The following ARHGEF38 variants were observed in gnomAD, a reference collection of about 807,000 sequenced individuals.
The protein encoded by ARHGEF38 is Rho guanine nucleotide exchange factor (GEF) 38.
Under a neutral mutation model 79.9 loss-of-function variants are expected in ARHGEF38, and 79 were observed. The ratio of observed to expected loss-of-function variants is 0.99; its 90% CI spans 0.82 to 1.19. The LOEUF is 1.19. Ranked by LOEUF, ARHGEF38 falls within the 50% of genes most tolerant of loss-of-function variation. The pLI, the probability that ARHGEF38 is intolerant of heterozygous loss-of-function variation, is 0.00. For synonymous variants in ARHGEF38, 366 were observed against 328.3 expected (o/e 1.11, Z -1.24); for missense variants, 962 against 907.2 (o/e 1.06, Z -0.78).
intron 3 of ARHGEF38, among the ~76,000 whole-genome samples, chr4:105,622,683 C>CA (rs1308649533): frequency 6.6e-6 from 1 of 152,210 alleles, no homozygotes; most frequent in Non-Finnish European, 1.5e-5. Context: ...CTCTTCCCTT[C>CA]ACAATGCTCA....
intron 1 of ARHGEF38, among the ~76,000 whole-genome samples, chr4:105,566,529 A>T (rs951347754): frequency 2.0e-5 from 3 of 152,206 alleles, no homozygotes; most frequent in African/African-American, 7.2e-5. Context: ...ATAGAGTATC[A>T]ATCACCTCAA....
At chr4:105,568,952 A>G (rs1366309538) in intron 1 of ARHGEF38, among the ~76,000 whole-genome samples, 1 of 152,228 alleles carries the variant, frequency 6.6e-6, no homozygotes, top group African/African-American at 2.4e-5. Context: ...ATATGAAATT[A>G]TTCACTACAA....
chr4:105,601,769 A>C (rs1035069562), intron 2 of ARHGEF38, among the ~76,000 whole-genome samples: 5 of 152,118 alleles, frequency 3.3e-5, no homozygotes, highest in African/African-American at 1.2e-4. Flanking sequence ...GGCCCTTCAC[A>C]TGTCCAAGAA....
At chr4:105,589,472 A>T (rs10018352) in intron 2 of ARHGEF38, 37 bp downstream of exon 2, 4 of 1,556,236 alleles carry the variant, frequency 2.6e-6, no homozygotes, top group South Asian at 2.4e-5. Context: ...TCTCTCCCAT[A>T]TCATAAATAG....
At chr4:105,606,460 G>T (rs2110482516) in intron 2 of ARHGEF38, among the ~76,000 whole-genome samples, 1 of 152,154 alleles carries the variant, frequency 6.6e-6, no homozygotes, top group South Asian at 2.1e-4. Context: ...GGTCAGAACA[G>T]CAATATCCAA....
intron 1 of ARHGEF38, among the ~76,000 whole-genome samples, chr4:105,554,321 C>T (rs755616404): frequency 3.3e-5 from 5 of 152,118 alleles, no homozygotes; most frequent in Non-Finnish European, 5.9e-5. Context: ...GAGCATAGTA[C>T]CCAGTAGGTG....
chr4:105,682,485 C>T, downstream of ARHGEF38: 1 of 383,520 alleles, frequency 2.6e-6, no homozygotes, highest in Non-Finnish European at 4.7e-6. Flanking sequence ...CTGAAGATCT[C>T]ATTGAGAACC....
intron 2 of ARHGEF38, among the ~76,000 whole-genome samples, chr4:105,611,866 C>A (rs777907141): frequency 6.6e-6 from 1 of 151,990 alleles, no homozygotes. Context: ...TTGAAATAAA[C>A]CACTGCATAT....
intron 1 of ARHGEF38, among the ~76,000 whole-genome samples, chr4:105,578,387 T>C (rs188712318): frequency 2.6e-5 from 4 of 152,332 alleles, no homozygotes; most frequent in Non-Finnish European, 5.9e-5. Context: ...ATGAGAAGAA[T>C]GTATATTCTG....
chr4:105,633,543 G>A (rs1339511701), intron 4 of ARHGEF38, among the ~76,000 whole-genome samples: 1 of 152,136 alleles, frequency 6.6e-6, no homozygotes, highest in Non-Finnish European at 1.5e-5. Flanking sequence ...ATGAATACTA[G>A]GTGTGGCCTC....
chr4:105,665,225 T>A (rs2110573962), intron 10 of ARHGEF38, among the ~76,000 whole-genome samples: 1 of 152,144 alleles, frequency 6.6e-6, no homozygotes, highest in Admixed American at 6.5e-5. Context: ...CCAGGTGCGG[T>A]CACTTATGCC....
At position 105,632,178 on chromosome 4, in the gene ARHGEF38, T is replaced by A. The variant is rs538656949; in HGVS notation, c.656+1133T>A. Among the ~76,000 whole-genome samples, 19 of 152,292 alleles carry A rather than the reference T, an allele frequency of 1.2e-4. No individual in the cohort carries two copies. The East Asian group carries it at 2.3e-3, about 19-fold the overall frequency. On this transcript the variant is annotated intron_variant, in intron 4 of 13. Coordinates refer to ENST00000420470, the MANE Select transcript of ARHGEF38 (RefSeq NM_001242729.2). ...AAATGAGCCCAGTGAATTTTTTTTT[T>A]AAATAAATAAAATTTCAACTTTATT...
intron 1 of ARHGEF38, among the ~76,000 whole-genome samples, chr4:105,573,769 G>T (rs566362569): frequency 1.3e-5 from 2 of 151,500 alleles, no homozygotes; most frequent in African/African-American, 4.8e-5. Flanking sequence ...AAAAAAAATT[G>T]GAATTTTGAT....
At chr4:105,620,051 G>T (rs76224304) in intron 3 of ARHGEF38, among the ~76,000 whole-genome samples, 1 of 152,126 alleles carries the variant, frequency 6.6e-6, no homozygotes, top group African/African-American at 2.4e-5. Context: ...GTTTGGATAA[G>T]GTTTAAGTTT....
chr4:105,585,862 G>A (rs1438461859), intron 1 of ARHGEF38, among the ~76,000 whole-genome samples: 3 of 148,094 alleles, frequency 2.0e-5, no homozygotes, highest in Non-Finnish European at 3.0e-5. Flanking sequence ...CTCCCAAGTA[G>A]CTGGGATTAC....
At chr4:105,623,506 G>A (rs1168246179) in intron 3 of ARHGEF38, among the ~76,000 whole-genome samples, 1 of 152,116 alleles carries the variant, frequency 6.6e-6, no homozygotes, top group South Asian at 2.1e-4. Context: ...TTAAAAAAAA[G>A]TTATGTACCT....
intron 3 of ARHGEF38, among the ~76,000 whole-genome samples, chr4:105,618,268 A>G (rs1406216958): frequency 6.6e-6 from 1 of 152,240 alleles, no homozygotes; most frequent in Non-Finnish European, 1.5e-5. Context: ...CCACAGAAAT[A>G]TCAATGAGTT....
intron 2 of ARHGEF38, among the ~76,000 whole-genome samples, chr4:105,594,392 C>T (rs1727482707): frequency 6.6e-6 from 1 of 152,074 alleles, no homozygotes; most frequent in Non-Finnish European, 1.5e-5. Context: ...TGTAGATTAA[C>T]ACATACAGTT....
At chr4:105,670,593 C>T (rs574428491) in intron 13 of ARHGEF38, among the ~76,000 whole-genome samples, 7 of 152,078 alleles carry the variant, frequency 4.6e-5, no homozygotes, top group Admixed American at 1.3e-4. Flanking sequence ...TTATAACTGA[C>T]TCTTAACTTG....
Sources: allele counts gnomAD v4.1 joint callset (sites outside exome capture counted in the v4.1 genomes callset), GRCh38; gene constraint gnomAD v4.1.1; transcripts MANE v1.5; gene names NCBI Gene and HGNC (gene_info 2026-07-23, HGNC 2026-07-21).